Variants in WWOX observed in about 807,000 individuals in gnomAD.
WWOX encodes the protein WW domain containing oxidoreductase, also known as WW domain-containing oxidoreductase.
WWOX carries 69 observed loss-of-function variants against 46.2 expected under a neutral mutation model. That is an observed-to-expected ratio of 1.49 (90% CI 1.23 to 1.82). WWOX has a LOEUF of 1.82. Among genes scored for constraint, WWOX ranks in the 40% most tolerant of loss-of-function variants. The pLI is 0.00. For missense variants in WWOX, 919 were observed against 542.6 expected (o/e 1.69, Z -6.89); for synonymous variants, 359 against 202.6 (o/e 1.77, Z -6.56).
intron 8 of WWOX, among the ~76,000 whole-genome samples, chr16:79,183,803 T>G (rs1597454417): frequency 6.6e-6 from 1 of 152,236 alleles, no homozygotes; most frequent in African/African-American, 2.4e-5. Flanking sequence ...GAGCTGGAAT[T>G]TGAACCAAAG....
chr16:78,609,662 C>T (rs952588450), intron 8 of WWOX, among the ~76,000 whole-genome samples: 5 of 151,962 alleles, frequency 3.3e-5, no homozygotes, highest in Non-Finnish European at 7.3e-5. Flanking sequence ...TGCAGCCTGT[C>T]TTTGGACATC....
chr16:78,312,963 A>G (rs924813460), intron 5 of WWOX, among the ~76,000 whole-genome samples: 1 of 152,200 alleles, frequency 6.6e-6, no homozygotes, highest in Admixed American at 6.5e-5. Flanking sequence ...CCTGGTGTAC[A>G]GGAGGGTTAA....
chr16:78,820,662 C>T (rs1174781394), intron 8 of WWOX, among the ~76,000 whole-genome samples: 3 of 152,120 alleles, frequency 2.0e-5, no homozygotes, highest in African/African-American at 7.2e-5. Context: ...ATTTTAATAC[C>T]AACCATGCCA....
intron 2 of WWOX, among the ~76,000 whole-genome samples, chr16:78,109,158 G>T (rs965162607): frequency 1.3e-5 from 2 of 152,144 alleles, no homozygotes; most frequent in African/African-American, 4.8e-5. Flanking sequence ...TGACTTCTAG[G>T]TGATTCTGAG....
intron 8 of WWOX, among the ~76,000 whole-genome samples, chr16:78,517,568 T>G: frequency 6.6e-6 from 1 of 152,200 alleles, no homozygotes; most frequent in Admixed American, 6.5e-5. Context: ...ATTCTGTAAC[T>G]GTCATATTGT....
At chr16:78,562,500 C>G (rs1018199244) in intron 8 of WWOX, among the ~76,000 whole-genome samples, 4 of 152,174 alleles carry the variant, frequency 2.6e-5, no homozygotes, top group Non-Finnish European at 4.4e-5. Flanking sequence ...CATGGAGGTA[C>G]CCATTCTGCA....
chr16:78,901,553 T>C (rs531431329), intron 8 of WWOX, among the ~76,000 whole-genome samples: 32 of 152,280 alleles, frequency 2.1e-4, no homozygotes, highest in African/African-American at 7.2e-4. Flanking sequence ...ATTGGTAGGA[T>C]CTTGGTTCAC....
At chr16:78,370,089 ACCACTGCTCT>A (rs1181521791) in intron 5 of WWOX, among the ~76,000 whole-genome samples, 13 of 136,734 alleles carry the variant, frequency 9.5e-5, no homozygotes, top group Non-Finnish European at 1.7e-4. Flanking sequence ...CCAAGATCAC[ACCACTGCTCT>A]CTATCCTGGG....
At chr16:78,331,602 G>C (rs79010743) in intron 5 of WWOX, among the ~76,000 whole-genome samples, 3,931 of 152,234 alleles carry the variant, frequency 0.026, 123 homozygotes, top group East Asian at 0.11. Context: ...AACCACCCTT[G>C]TGTAAAATCA....
intron 8 of WWOX, among the ~76,000 whole-genome samples, chr16:79,041,165 C>A (rs899098997): frequency 6.6e-6 from 1 of 152,120 alleles, no homozygotes; most frequent in Non-Finnish European, 1.5e-5. Context: ...GATATTGACC[C>A]CATGGTCTTG....
chr16:78,457,900 A>T (rs1282148588), intron 8 of WWOX, among the ~76,000 whole-genome samples: 48 of 121,776 alleles, frequency 3.9e-4, no homozygotes, highest in Non-Finnish European at 1.3e-4. Context: ...TGAGCGTGAG[A>T]CTCTGACTCA....
At chr16:78,360,134 A>G (rs1429981153) in intron 5 of WWOX, among the ~76,000 whole-genome samples, 1 of 152,196 alleles carries the variant, frequency 6.6e-6, no homozygotes, top group Non-Finnish European at 1.5e-5. Flanking sequence ...ATCAACAAAA[A>G]CTAACACTAT....
chr16:78,326,442 G>A (rs10871348), intron 5 of WWOX, among the ~76,000 whole-genome samples: 97,428 of 151,838 alleles, frequency 0.64, 32,826 homozygotes, highest in East Asian at 0.98. Context: ...GGGGTTGAAC[G>A]TTGTTATCGC....
intron 8 of WWOX, among the ~76,000 whole-genome samples, chr16:79,041,971 C>G (rs920091955): frequency 3.3e-5 from 5 of 152,076 alleles, no homozygotes; most frequent in African/African-American, 1.2e-4. Context: ...GGGAAGTTCA[C>G]CCTGGTTCTG....
At chr16:79,056,438 G>C (rs539656344) in intron 8 of WWOX, among the ~76,000 whole-genome samples, 1 of 152,316 alleles carries the variant, frequency 6.6e-6, no homozygotes, top group South Asian at 2.1e-4. Flanking sequence ...TTTAAGGATA[G>C]GTAAATGTAT....
chr16:78,851,948 T>C (rs1268499306), intron 8 of WWOX, among the ~76,000 whole-genome samples: 1 of 152,220 alleles, frequency 6.6e-6, no homozygotes, highest in African/African-American at 2.4e-5. Context: ...CCTCTTGGTT[T>C]CTGTACCTGT....
intron 8 of WWOX, among the ~76,000 whole-genome samples, chr16:79,142,298 T>C (rs1597413329): frequency 6.6e-6 from 1 of 152,074 alleles, no homozygotes; most frequent in Non-Finnish European, 1.5e-5. Context: ...AACAGGGTAG[T>C]GAGATGGGAA....
At chr16:78,562,052 G>A (rs1242080487) in intron 8 of WWOX, among the ~76,000 whole-genome samples, 2 of 152,162 alleles carry the variant, frequency 1.3e-5, no homozygotes, top group African/African-American at 4.8e-5. Flanking sequence ...TTAGCCCCGT[G>A]GAGGCATATG....
At chr16:78,528,542 G>A (rs1046388528) in intron 8 of WWOX, among the ~76,000 whole-genome samples, 1 of 152,102 alleles carries the variant, frequency 6.6e-6, no homozygotes. Context: ...CAAAGTAGTG[G>A]TAAGTGGAGG....
Sources: allele counts gnomAD v4.1 joint callset (sites outside exome capture counted in the v4.1 genomes callset), GRCh38; gene constraint gnomAD v4.1.1; transcripts MANE v1.5; gene names NCBI Gene and HGNC (gene_info 2026-07-23, HGNC 2026-07-21).